The following GALNTL5 variants were observed in gnomAD, a reference collection of about 807,000 sequenced individuals.
GALNTL5 encodes the protein inactive polypeptide N-acetylgalactosaminyltransferase-like protein 5.
GALNTL5 carries 44 observed loss-of-function variants against 51.0 expected under a neutral mutation model. The ratio of observed to expected loss-of-function variants is 0.86; its 90% confidence interval spans 0.68 to 1.11. The LOEUF (loss-of-function observed/expected upper bound fraction) is 1.11. Ranked by LOEUF, GALNTL5 falls within the 50% of genes least tolerant of loss-of-function variation. The pLI, the probability that GALNTL5 is intolerant of heterozygous loss-of-function variation, is 0.00. For synonymous variants in GALNTL5, 192 were observed against 182.8 expected, an observed-to-expected ratio of 1.05 and a Z score of -0.41; for missense variants, 528 against 531.8, an observed-to-expected ratio of 0.99 and a Z score of 0.07.
chr7:151,964,128 C>A (rs949043636), intron 1 of GALNTL5, among the ~76,000 whole-genome samples: 3 of 152,144 alleles, frequency 2.0e-5, no homozygotes, highest in African/African-American at 7.2e-5. Flanking sequence ...TGTGCCCTCA[C>A]CGGTCTTTTC....
intron 3 of GALNTL5, among the ~76,000 whole-genome samples, chr7:151,976,851 A>G (rs1358433108): frequency 1.3e-5 from 2 of 152,010 alleles, no homozygotes; most frequent in Non-Finnish European, 2.9e-5. Context: ...TATTTTTAGT[A>G]GAGATGGGGT....
At position 152,002,715 on chromosome 7, in the gene GALNTL5, G is replaced by T; in HGVS notation, c.660G>T (p.Gly220=). The part of the protein sequence containing the change: ...ARLIGASHAS[G]DVLVFLDSHC... ...ATTGCCCTGTTCTTGCCTCCCCAGG[G>T]GATGTTCTGGTGTTCCTGGACAGCC... is the stretch of plus-strand genomic sequence containing the variant. The change falls in exon 6 of 9, where the codon GGG becomes GGT. Residue 220 remains glycine (G), a splice_region_variant and synonymous_variant. Coordinates refer to ENST00000392800, the MANE Select transcript of GALNTL5 (RefSeq NM_145292.4). The T allele has an allele frequency of 6.2e-7, 1 of 1,614,004 alleles. No individual in the cohort carries two copies. Among genetic ancestry groups the T allele is most frequent in the Non-Finnish European group, 8.5e-7 (1 of 1,179,976 alleles).
intron 5 of GALNTL5, among the ~76,000 whole-genome samples, chr7:151,997,438 A>G (rs2081514095): frequency 6.6e-6 from 1 of 152,206 alleles, no homozygotes; most frequent in Non-Finnish European, 1.5e-5. Flanking sequence ...AAATCAGCTG[A>G]AGAGGGACCC....
chr7:151,962,436 C>CTTTTTTTTTTTTT lies in GALNTL5; in HGVS notation c.-39-4769_-39-4757dup, dbSNP rs61210832. ...AAAAAAGTCTGTGTGATTTTTTTTT[C>CTTTTTTTTTTTTT]TTTTTTTTTTTTTTTGGTTAATGCA... On this transcript the variant is annotated intron_variant, in intron 1 of 8. Coordinates refer to ENST00000392800, the MANE Select transcript of GALNTL5 (RefSeq NM_145292.4). Among the ~76,000 whole-genome samples, 50 of 116,242 alleles carry CTTTTTTTTTTTTT rather than the reference C, an allele frequency of 4.3e-4. 1 individual carries two copies. Among genetic ancestry groups the CTTTTTTTTTTTTT allele is most frequent in the South Asian group, 8.6e-4 (3 of 3,500 alleles). The allele number at this position is 116,242 out of a possible 152,430, so 76.3% of individuals were successfully genotyped here.
intron 1 of GALNTL5, among the ~76,000 whole-genome samples, chr7:151,964,063 A>C (rs958851416): frequency 1.3e-5 from 2 of 152,064 alleles, no homozygotes; most frequent in Non-Finnish European, 2.9e-5. Context: ...AGCTGCCGGC[A>C]GGTTTGGTTT....
chr7:151,971,200 T>C, intron 3 of GALNTL5, 135 bp downstream of exon 3: 1 of 661,958 alleles, frequency 1.5e-6, no homozygotes, highest in Middle Eastern at 4.7e-4. Context: ...TAGATTCCTA[T>C]TTTTAGGACT....
intron 3 of GALNTL5, among the ~76,000 whole-genome samples, chr7:151,981,607 CTCCTTCCTTCCTTCCT>C (rs141119787): frequency 3.5e-5 from 2 of 56,594 alleles, no homozygotes; most frequent in South Asian, 1.4e-3. Flanking sequence ...CCTTCCTTCC[CTCCTTCCTTCCTTCCT>C]TCCTTCCTCC....
chr7:151,986,267 A>G (rs573553769), intron 4 of GALNTL5, among the ~76,000 whole-genome samples: 2 of 152,328 alleles, frequency 1.3e-5, no homozygotes, highest in South Asian at 4.1e-4. Context: ...CCAAAGCTCT[A>G]TAATGCATGG....
chr7:151,985,831 C>G (rs1441206680), intron 4 of GALNTL5: 1 of 152,428 alleles, frequency 6.6e-6, no homozygotes, highest in African/African-American at 2.4e-5. Context: ...GTCTGGAGAT[C>G]TTTGAGCTGA....
chr7:151,998,669 G>A (rs2081530600), intron 5 of GALNTL5, among the ~76,000 whole-genome samples: 1 of 151,826 alleles, frequency 6.6e-6, no homozygotes, highest in Admixed American at 6.6e-5. Context: ...CTACTTGGGA[G>A]GCTGAAGCAG....
intron 3 of GALNTL5, among the ~76,000 whole-genome samples, chr7:151,981,682 T>C (rs1208501683): frequency 7.9e-6 from 1 of 126,468 alleles, no homozygotes; most frequent in Non-Finnish European, 1.7e-5. Flanking sequence ...TCTTTCTTTC[T>C]TTTTTTTTTT....
At chr7:152,009,091 A>G (rs930061066) in intron 7 of GALNTL5, among the ~76,000 whole-genome samples, 1 of 152,212 alleles carries the variant, frequency 6.6e-6, no homozygotes, top group African/African-American at 2.4e-5. Flanking sequence ...ATATCTTTTA[A>G]ATATACTTGG....
At chr7:151,983,729 G>A (rs1219667702) in intron 4 of GALNTL5, among the ~76,000 whole-genome samples, 2 of 152,300 alleles carry the variant, frequency 1.3e-5, no homozygotes, top group Middle Eastern at 3.4e-3. Context: ...GTCAACTGAG[G>A]TCTGAATGAT....
At chr7:151,990,276 T>G (rs2081410364) in intron 5 of GALNTL5, among the ~76,000 whole-genome samples, 1 of 151,932 alleles carries the variant, frequency 6.6e-6, no homozygotes, top group African/African-American at 2.4e-5. Flanking sequence ...ACTCTTGGCC[T>G]CAAGTGGTCT....
chr7:151,966,197 G>A (rs2081056940), intron 1 of GALNTL5, among the ~76,000 whole-genome samples: 1 of 151,746 alleles, frequency 6.6e-6, no homozygotes, highest in South Asian at 2.1e-4. Flanking sequence ...TGAAAGAGTA[G>A]CCTCACTTTA....
rs528114396 is a variant in GALNTL5 at position 152,010,400 on chromosome 7, C to T, written c.1026+2456C>T. 1.7e-4 allele frequency among the ~76,000 whole-genome samples: 26 copies of T among 152,238 alleles called. No individual in the cohort carries two copies. In the East Asian group the frequency reaches 3.9e-3, roughly 23 times the overall value. Reference sequence around the variant, plus strand: ...TGCTGGGATTACAGGCACAAGCCACCGCGTCCAGCCAAAAGTGCTTCTAAT... The same window carrying T: ...TGCTGGGATTACAGGCACAAGCCACTGCGTCCAGCCAAAAGTGCTTCTAAT... On this transcript the variant is annotated intron_variant, in intron 7 of 8. Transcript: ENST00000392800.
At chr7:151,977,140 C>T (rs1374469758) in intron 3 of GALNTL5, among the ~76,000 whole-genome samples, 1 of 152,086 alleles carries the variant, frequency 6.6e-6, no homozygotes, top group Admixed American at 6.5e-5. Context: ...AGTTACTTTA[C>T]AATATGGCCA....
chr7:151,965,461 A>G (rs1325158802), intron 1 of GALNTL5, among the ~76,000 whole-genome samples: 1 of 152,216 alleles, frequency 6.6e-6, no homozygotes, highest in Non-Finnish European at 1.5e-5. Context: ...AATAAATTAC[A>G]ATTTCAAACA....
chr7:151,960,438 A>G (rs1017220801), intron 1 of GALNTL5: 2 of 152,206 alleles, frequency 1.3e-5, no homozygotes. Context: ...TTTACAGCCC[A>G]TTTTCCTGGA....
Sources: allele counts gnomAD v4.1 joint callset (sites outside exome capture counted in the v4.1 genomes callset), GRCh38; gene constraint gnomAD v4.1.1; transcripts MANE v1.5; gene names NCBI Gene and HGNC (gene_info 2026-07-23, HGNC 2026-07-21).